BBS9: variants seen among roughly 807,000 people sequenced by gnomAD.
BBS9 encodes protein PTHB1.
Under a neutral mutation model 117.7 loss-of-function variants are expected in BBS9, and 89 were observed. The ratio of observed to expected loss-of-function variants is 0.76; its 90% CI spans 0.64 to 0.90. The LOEUF (loss-of-function observed/expected upper bound fraction) is 0.90, where lower values mean the gene tolerates loss of function less well. Among genes scored for constraint, BBS9 ranks in the 40% least tolerant of loss-of-function variants. The pLI is 0.00. For missense variants in BBS9, 982 were observed against 1,042.2 expected (o/e 0.94, Z 0.80); for synonymous variants, 379 against 370.9 (o/e 1.02, Z -0.25).
In BBS9 at chr7:33,155,769, A is replaced by C; in HGVS notation, c.328+67A>C. 5 of 922,870 alleles carry C rather than the reference A, an allele frequency of 5.4e-6. 2 individuals are homozygous for C. Among genetic ancestry groups the C allele is most frequent in the Non-Finnish European group, 8.7e-6 (5 of 574,528 alleles). 57.2% of individuals were successfully genotyped at this position (922,870 alleles called of 1,614,324 possible). A position where few individuals can be genotyped will look rare whatever the true frequency, so the allele number is the denominator to read the frequency against. ...TGGGCTTAATGTTATATGAGAATAG[A>C]TATTCCCTAGTGCTGACTTGGTAGA... On this transcript the variant is annotated intron_variant, in intron 4 of 22. Coordinates refer to ENST00000242067, the MANE Select transcript of BBS9 (RefSeq NM_198428.3).
intron 4 of BBS9, among the ~76,000 whole-genome samples, chr7:33,164,271 T>A (rs753497877): frequency 6.6e-6 from 1 of 152,218 alleles, no homozygotes; most frequent in African/African-American, 2.4e-5. Flanking sequence ...AATTTTTGAA[T>A]AAGTGCGATG....
chr7:33,345,129 G>C (rs1342499365), intron 12 of BBS9, among the ~76,000 whole-genome samples: 1 of 152,122 alleles, frequency 6.6e-6, no homozygotes, highest in African/African-American at 2.4e-5. Context: ...TGTATTTACA[G>C]CAAGAAAATA....
intron 19 of BBS9, among the ~76,000 whole-genome samples, chr7:33,460,170 A>G (rs1839246312): frequency 6.6e-6 from 1 of 152,132 alleles, no homozygotes; most frequent in Admixed American, 6.6e-5. Context: ...GAAGTGTGTG[A>G]AAATCTGCAT....
At chr7:33,218,071 T>TA (rs71703751) in intron 5 of BBS9, among the ~76,000 whole-genome samples, 17,149 of 152,114 alleles carry the variant, frequency 0.11, 1,137 homozygotes, top group African/African-American at 0.18. Flanking sequence ...CCAACCTCCC[T>TA]AAAAAAGCAA....
intron 1 of BBS9, among the ~76,000 whole-genome samples, chr7:33,132,438 G>T (rs1386694480): frequency 6.6e-6 from 1 of 152,046 alleles, no homozygotes; most frequent in Non-Finnish European, 1.5e-5. Flanking sequence ...TTCCTTTAAG[G>T]CGAAGTCATT....
chr7:33,203,281 A>G (rs1786240108), intron 5 of BBS9, among the ~76,000 whole-genome samples: 1 of 152,220 alleles, frequency 6.6e-6, no homozygotes, highest in South Asian at 2.1e-4. Flanking sequence ...GTCTACCAGA[A>G]TCACCTGGGA....
chr7:33,350,628 A>C (rs997300936), intron 13 of BBS9, among the ~76,000 whole-genome samples: 1 of 152,220 alleles, frequency 6.6e-6, no homozygotes, highest in Non-Finnish European at 1.5e-5. Flanking sequence ...TTCTCTGTTC[A>C]TGCTGTCTGT....
intron 5 of BBS9, among the ~76,000 whole-genome samples, chr7:33,237,060 TA>T (rs992841926): frequency 2.8e-4 from 42 of 152,236 alleles, no homozygotes; most frequent in African/African-American, 1.0e-3. Context: ...CTTTATATAT[TA>T]AAAATATAAA....
At chr7:33,405,591 G>A (rs1482229733) in intron 19 of BBS9, among the ~76,000 whole-genome samples, 1 of 152,152 alleles carries the variant, frequency 6.6e-6, no homozygotes, top group Admixed American at 6.5e-5. Context: ...GTGTGTCAAG[G>A]AATTTATCCA....
At chr7:33,574,630 A>G (rs1425719507) in intron 21 of BBS9, among the ~76,000 whole-genome samples, 6 of 151,424 alleles carry the variant, frequency 4.0e-5, no homozygotes, top group Non-Finnish European at 5.9e-5. Context: ...ATTATCCTAG[A>G]AATTTCTGAT....
downstream of BBS9, among the ~76,000 whole-genome samples, chr7:33,606,706 C>T (rs1217167582): frequency 6.6e-6 from 1 of 152,056 alleles, no homozygotes; most frequent in Non-Finnish European, 1.5e-5. Flanking sequence ...ACTCAGACCC[C>T]AACCCTTCAC....
intron 5 of BBS9, among the ~76,000 whole-genome samples, chr7:33,208,470 T>G (rs1787374964): frequency 6.6e-6 from 1 of 152,206 alleles, no homozygotes; most frequent in Non-Finnish European, 1.5e-5. Flanking sequence ...TGTTGAGAAT[T>G]TTTGCATTTA....
chr7:33,228,965 T>C (rs777505748), intron 5 of BBS9, among the ~76,000 whole-genome samples: 8 of 152,208 alleles, frequency 5.3e-5, no homozygotes, highest in Non-Finnish European at 1.2e-4. Flanking sequence ...CATGAAGTTA[T>C]AATTTGTTTT....
intron 20 of BBS9, 120 bp from the exon 21 acceptor site, chr7:33,533,834 A>T: frequency 8.4e-7 from 1 of 1,185,708 alleles, no homozygotes; most frequent in Non-Finnish European, 1.2e-6. Flanking sequence ...TCCAGATACC[A>T]CACTCTTCAC....
At chr7:33,261,142 A>T (rs561374415) in intron 6 of BBS9, among the ~76,000 whole-genome samples, 20 of 150,670 alleles carry the variant, frequency 1.3e-4, no homozygotes, top group African/African-American at 4.4e-4. Context: ...CGTGGAAATT[A>T]TGTCTAGAAG....
At position 33,618,861 on chromosome 7, in the gene BBS9, C is replaced by T. The variant is rs1865270271; in HGVS notation, c.2522-16316C>T. Among the ~76,000 whole-genome samples, 3 of 151,966 alleles carry T rather than the reference C, an allele frequency of 2.0e-5. No homozygotes were observed. In the Middle Eastern group the frequency reaches 0.01, roughly 517 times the overall value. Reference sequence around the variant, plus strand: ...CACATACACACACACATGAATAGACCTGTAGTGGGTACACAAAAGAGAAAG... The same window carrying T: ...CACATACACACACACATGAATAGACTTGTAGTGGGTACACAAAAGAGAAAG... On this transcript the variant is annotated intron_variant, in intron 21 of 21. Coordinates refer to the BBS9 transcript ENST00000671952.
At position 33,178,442 on chromosome 7, in the gene BBS9, T is replaced by C. The variant is rs1369718466; in HGVS notation, c.442+851T>C. On this transcript the variant is annotated intron_variant, in intron 5 of 22. Coordinates refer to ENST00000242067, the MANE Select transcript of BBS9 (RefSeq NM_198428.3). Reference sequence around the variant, plus strand: ...AGATTCACCAAGGCTTGGTGCTTGCTTGTGTACACTCTTGCTGTTGGCATG... The same window carrying C: ...AGATTCACCAAGGCTTGGTGCTTGCCTGTGTACACTCTTGCTGTTGGCATG... Among the ~76,000 whole-genome samples, 2 of 152,302 alleles carry C rather than the reference T, an allele frequency of 1.3e-5. 1 individual carries two copies. Among genetic ancestry groups the C allele is most frequent in the South Asian group, 4.1e-4 (2 of 4,822 alleles).
At chr7:33,157,876 G>T (rs1400822902) in intron 4 of BBS9, 2 of 152,064 alleles carry the variant, frequency 1.3e-5, no homozygotes, top group African/African-American at 4.8e-5. Flanking sequence ...ACAGGGTCTT[G>T]CTGACCTGAA....
At chr7:33,328,023 G>C (rs572374088) in intron 9 of BBS9, among the ~76,000 whole-genome samples, 1 of 152,302 alleles carries the variant, frequency 6.6e-6, no homozygotes, top group African/African-American at 2.4e-5. Context: ...TCTAAGTGTA[G>C]CTGTCAAGTA....
Sources: gnomAD v4.1 joint callset for allele counts (sites outside exome capture counted in the v4.1 genomes callset) on GRCh38, gnomAD v4.1.1 for gene constraint, MANE v1.5 for transcripts, NCBI Gene and HGNC (gene_info 2026-07-23, HGNC 2026-07-21) for gene names.